Variants in MAP3K7 observed in about 807,000 individuals in gnomAD.
MAP3K7 encodes the protein TGF-beta activated kinase 1.
MAP3K7 carries 21 observed loss-of-function variants against 84.8 expected under a neutral mutation model. The ratio of observed to expected loss-of-function variants is 0.25; its 90% CI spans 0.18 to 0.36. The LOEUF is 0.36. Ranked by LOEUF, MAP3K7 falls within the 10% of genes least tolerant of loss-of-function variation. MAP3K7 has a pLI of 1.00. For missense variants in MAP3K7, 503 were observed against 747.7 expected (o/e 0.67, Z 3.82); for synonymous variants, 241 against 247.7 (o/e 0.97, Z 0.25).
rs1032312650 is a variant in MAP3K7, at chr6:90,536,414, GA to G, written c.1292-14del. The stretch of plus-strand genomic sequence containing the variant: ...GGCTGTCCGTTGCCTTTAAAAAGAA[GA>G]AAAAAAGTAAAATACTAAAATCTAG... On this transcript the variant is annotated splice_polypyrimidine_tract_variant and intron_variant, in intron 12 of 16. Coordinates refer to ENST00000369329, the MANE Select transcript of MAP3K7 (RefSeq NM_145331.3). 5.6e-6 allele frequency: 9 copies of G among 1,601,782 alleles called. No individual in the cohort carries two copies. Among genetic ancestry groups the G allele is most frequent in the Non-Finnish European group, 7.7e-6 (9 of 1,171,534 alleles).
intron 11 of MAP3K7, 66 bp downstream of exon 11, chr6:90,547,192 T>C: frequency 1.3e-6 from 2 of 1,567,764 alleles, no homozygotes; most frequent in Non-Finnish European, 1.7e-6. Context: ...CTTTGACAAC[T>C]GAAACTACCA....
Position 90,548,203 on chromosome 6 carries a change from C to A in MAP3K7, c.950-26G>T, listed in dbSNP as rs947210257. The A allele has an allele frequency of 3.1e-6, 5 of 1,589,998 alleles. No homozygotes were observed. The African/African-American group carries it at 6.8e-5, about 22-fold the overall frequency. ...CTAGGAAAAGCAGAAACATTTATGA[C>A]TAATGGCTGGAAATAATACAAATGC... is the stretch of plus-strand genomic sequence containing the variant. On this transcript the variant is annotated intron_variant, in intron 9 of 16. Coordinates refer to ENST00000369329, the MANE Select transcript of MAP3K7 (RefSeq NM_145331.3).
intron 11 of MAP3K7, among the ~76,000 whole-genome samples, chr6:90,545,593 AC>A (rs1297391606): frequency 1.3e-5 from 2 of 152,058 alleles, no homozygotes; most frequent in Non-Finnish European, 2.9e-5. Context: ...CAGTGAGACA[AC>A]CCTGCTCCAA....
intron 11 of MAP3K7, among the ~76,000 whole-genome samples, chr6:90,544,979 C>G (rs995737933): frequency 6.6e-6 from 1 of 151,690 alleles, no homozygotes; most frequent in Non-Finnish European, 1.5e-5. Flanking sequence ...GGTGGGGGAA[C>G]GAAGGAGGAG....
chr6:90,581,784 T>C (rs1195823540), intron 1 of MAP3K7, among the ~76,000 whole-genome samples: 1 of 152,248 alleles, frequency 6.6e-6, no homozygotes, highest in African/African-American at 2.4e-5. Context: ...AATTAAATAG[T>C]GACTAACAAA....
At chr6:90,531,995 A>G (rs1346316671) in intron 13 of MAP3K7, among the ~76,000 whole-genome samples, 1 of 152,018 alleles carries the variant, frequency 6.6e-6, no homozygotes, top group Non-Finnish European at 1.5e-5. Context: ...CTATTCTCCA[A>G]TAGAAAGGTA....
chr6:90,568,178 C>G (rs181349683), intron 3 of MAP3K7, among the ~76,000 whole-genome samples: 68 of 152,050 alleles, frequency 4.5e-4, no homozygotes, highest in Non-Finnish European at 6.5e-4. Context: ...CAAACCTGCA[C>G]GTTGTGCACA....
chr6:90,518,310 A>G (rs1016214235), intron 16 of MAP3K7, 137 bp downstream of exon 16: 18 of 570,202 alleles, frequency 3.2e-5, no homozygotes, highest in Non-Finnish European at 5.2e-5. Context: ...TTTTTAGTAA[A>G]AGGGTGCTTA....
chr6:90,566,933 G>C (rs1776726846), intron 3 of MAP3K7, among the ~76,000 whole-genome samples: 1 of 152,080 alleles, frequency 6.6e-6, no homozygotes, highest in Non-Finnish European at 1.5e-5. Context: ...TCTGATCTTT[G>C]ACAAACCTGA....
chr6:90,556,383 T>C (rs368974104), intron 6 of MAP3K7, 117 bp downstream of exon 6: 6 of 1,057,460 alleles, frequency 5.7e-6, no homozygotes, highest in Non-Finnish European at 6.7e-6. Context: ...GATTTCATTG[T>C]ATACTTTATG....
At position 90,560,000 on chromosome 6, in the gene MAP3K7, A is replaced by C. The variant is rs565498166; in HGVS notation, c.482+76T>G. The stretch of plus-strand genomic sequence containing the variant: ...TCCTGTACAATAATGAGCTTGAATT[A>C]GAGAGTGGGTTCGGGGTGGTGAGAG... On this transcript the variant is annotated intron_variant, in intron 5 of 16. Coordinates refer to ENST00000369329, the MANE Select transcript of MAP3K7 (RefSeq NM_145331.3). 1.1e-4 allele frequency: 174 copies of C among 1,536,706 alleles called. 2 individuals are homozygous for C. In the East Asian group the frequency reaches 3.8e-3, roughly 34 times the overall value.
At chr6:90,557,480 T>C (rs192435994) in intron 5 of MAP3K7, among the ~76,000 whole-genome samples, 27 of 152,330 alleles carry the variant, frequency 1.8e-4, no homozygotes, top group African/African-American at 6.0e-4. Flanking sequence ...AAACTACTAT[T>C]CACAGTTCCA....
chr6:90,568,444 TA>T (rs1401636779), intron 3 of MAP3K7, 113 bp downstream of exon 3: 1 of 720,486 alleles, frequency 1.4e-6, no homozygotes, highest in African/African-American at 1.8e-5. Flanking sequence ...AAAAATATAA[TA>T]TTTTTGAAAA....
rs1776033253 is a variant in MAP3K7 at position 90,547,295 on chromosome 6, G to A, written c.1173C>T (p.Asp391=). 5.6e-6 allele frequency: 9 copies of A among 1,613,314 alleles called. No homozygotes were observed. Among genetic ancestry groups the A allele is most frequent in the Non-Finnish European group, 7.6e-6 (9 of 1,179,666 alleles). ...CGATCCTAGCTTCTATTTCAGACAT[G>A]TCAGCACTCATCCTCTTGCCCTCAG... is the stretch of plus-strand genomic sequence containing the variant. The part of the protein sequence containing the change: ...PTSEGKRMSA[D]MSEIEARIAA... Residue 391 remains aspartate (D), a synonymous_variant, in exon 11 of 17, where the codon GAC becomes GAT. Coordinates refer to ENST00000369329, the MANE Select transcript of MAP3K7 (RefSeq NM_145331.3).
intron 13 of MAP3K7, among the ~76,000 whole-genome samples, chr6:90,531,981 G>A (rs903736448): frequency 6.7e-6 from 1 of 150,350 alleles, no homozygotes. Context: ...AAGAAGAAAC[G>A]TGTCTATTCT....
At chr6:90,575,740 G>T (rs1298542023) in intron 1 of MAP3K7, among the ~76,000 whole-genome samples, 1 of 152,114 alleles carries the variant, frequency 6.6e-6, no homozygotes, top group Non-Finnish European at 1.5e-5. Context: ...CCAAGGGGAA[G>T]GCCTGGTCAG....
intron 6 of MAP3K7, among the ~76,000 whole-genome samples, chr6:90,556,166 G>A (rs577967733): frequency 5.3e-5 from 8 of 152,204 alleles, no homozygotes; most frequent in African/African-American, 9.7e-5. Flanking sequence ...CACTGTCTGC[G>A]AGTACATGAA....
At chr6:90,522,875 AT>A (rs1016971017) in intron 14 of MAP3K7, among the ~76,000 whole-genome samples, 2 of 152,192 alleles carry the variant, frequency 1.3e-5, no homozygotes, top group Non-Finnish European at 2.9e-5. Context: ...CTTATATAAA[AT>A]ATCAAATGCT....
At chr6:90,521,250 T>C (rs1775139359) in intron 14 of MAP3K7, among the ~76,000 whole-genome samples, 1 of 111,046 alleles carries the variant, frequency 9.0e-6, no homozygotes, top group South Asian at 3.2e-4. Flanking sequence ...TTAATGAAAG[T>C]TTTTTGCGTG....
Sources: gnomAD v4.1 joint callset for allele counts (sites outside exome capture counted in the v4.1 genomes callset) on GRCh38, gnomAD v4.1.1 for gene constraint, MANE v1.5 for transcripts, NCBI Gene and HGNC (gene_info 2026-07-23, HGNC 2026-07-21) for gene names.